Variants in PARK7 observed in about 807,000 individuals in gnomAD.
PARK7 encodes the protein Parkinsonism associated deglycase, also known as Parkinson disease protein 7.
A neutral mutation model predicts 20.5 loss-of-function variants in PARK7; 14 were observed. That is an observed-to-expected ratio of 0.68 (90% CI 0.45 to 1.07). The LOEUF is 1.07. Among genes scored for constraint, PARK7 ranks in the 50% least tolerant of loss-of-function variants. The pLI, the probability that PARK7 is intolerant of heterozygous loss-of-function variation, is 0.00. For missense variants in PARK7, 234 were observed against 238.1 expected (o/e 0.98, Z 0.11); for synonymous variants, 98 against 84.3 (o/e 1.16, Z -0.89).
chr1:7,972,548 T>C (rs1640487507), intron 5 of PARK7, among the ~76,000 whole-genome samples: 1 of 152,196 alleles, frequency 6.6e-6, no homozygotes, highest in Non-Finnish European at 1.5e-5. Flanking sequence ...GAATTTATTA[T>C]TGTGTTTTAA....
rs1017438854 is a variant in PARK7, at chr1:7,972,656, C to T, written c.322+1693C>T. Among the ~76,000 whole-genome samples, 9 of 152,286 alleles carry T rather than the reference C, an allele frequency of 5.9e-5. No homozygotes were observed. In the South Asian group the frequency reaches 1.9e-3, roughly 32 times the overall value. On this transcript the variant is annotated intron_variant, in intron 5 of 6. Coordinates refer to ENST00000338639, the MANE Select transcript of PARK7 (RefSeq NM_007262.5). ...CAGTGGCGCATGCCTGTAATCTCAG[C>T]ACTTTGGGAAGCTGAGGTGGGCAGA...
rs528099293 is a variant in PARK7, at chr1:7,969,702, T to C, written c.252+298T>C. Among the ~76,000 whole-genome samples, 17 of 152,150 alleles carry C rather than the reference T, an allele frequency of 1.1e-4. No individual in the cohort carries two copies. In the South Asian group the frequency reaches 3.5e-3, roughly 32 times the overall value. On this transcript the variant is annotated intron_variant, in intron 4 of 6. Coordinates refer to ENST00000338639, the MANE Select transcript of PARK7 (RefSeq NM_007262.5). Reference sequence around the variant, plus strand: ...TTCAAGCAGTTCTCCTGCCTCAGCCTCTGAGTAGCTGGGATTGCAGGCATG... The same window carrying C: ...TTCAAGCAGTTCTCCTGCCTCAGCCCCTGAGTAGCTGGGATTGCAGGCATG...
At chr1:7,973,588 C>T (rs770461184) in intron 5 of PARK7, among the ~76,000 whole-genome samples, 1 of 152,104 alleles carries the variant, frequency 6.6e-6, no homozygotes, top group Admixed American at 6.6e-5. Context: ...GTGGCGCGTG[C>T]CTGTAATCCC....
intron 4 of PARK7, 79 bp downstream of exon 4, chr1:7,969,483 T>A (rs769978873): frequency 9.1e-5 from 89 of 983,200 alleles, no homozygotes; most frequent in Non-Finnish European, 1.4e-4. Context: ...CTGCTTATGT[T>A]CTGTTAATTT....
Position 7,983,654 on chromosome 1 carries a change from A to G in PARK7, c.410-1240A>G, listed in dbSNP as rs563832642. 2.0e-5 allele frequency among the ~76,000 whole-genome samples: 3 copies of G among 152,314 alleles called. No individual in the cohort carries two copies. The South Asian group carries it at 6.2e-4, about 32-fold the overall frequency. ...TGGAGAGAGTTGGCAAGGGCTTTCC[A>G]TGGGGAACTGGCTATGCCCTGCTTT... On this transcript the variant is annotated intron_variant, in intron 6 of 6. Transcript: ENST00000338639.
At chr1:7,981,627 C>G (rs972956987) in intron 6 of PARK7, among the ~76,000 whole-genome samples, 1 of 151,370 alleles carries the variant, frequency 6.6e-6, no homozygotes, top group Admixed American at 6.6e-5. Context: ...GGCCCTCAGG[C>G]TTGTCGTTGC....
intron 6 of PARK7, 36 bp downstream of exon 6, chr1:7,977,774 T>C (rs1640616989): frequency 6.3e-7 from 1 of 1,580,678 alleles, no homozygotes; most frequent in African/African-American, 1.3e-5. Flanking sequence ...TTTGTTTGTT[T>C]TTTGAGATGG....
At chr1:7,980,733 G>A (rs959151809) in intron 6 of PARK7, among the ~76,000 whole-genome samples, 23 of 152,302 alleles carry the variant, frequency 1.5e-4, no homozygotes, top group African/African-American at 4.8e-4. Flanking sequence ...AGGACACTTC[G>A]AGAGGTAGGG....
At chr1:7,966,255 G>A (rs1194193371) in intron 3 of PARK7, among the ~76,000 whole-genome samples, 3 of 151,984 alleles carry the variant, frequency 2.0e-5, no homozygotes, top group Non-Finnish European at 4.4e-5. Context: ...CCTGGAGTGC[G>A]GTTCCCTGGG....
chr1:7,962,654 CCTAGGAAGTA>C (rs1640232494), intron 1 of PARK7, 99 bp from the exon 2 acceptor site: 2 of 685,270 alleles, frequency 2.9e-6, no homozygotes, highest in Non-Finnish European at 5.0e-6. Flanking sequence ...AAACCGTTTC[CCTAGGAAGTA>C]CTTACTCTGC....
rs1040021689 is a variant in PARK7, at chr1:7,965,532, G to T, written c.192+107G>T. 1.1e-5 allele frequency: 11 copies of T among 977,534 alleles called. No homozygotes were observed. In the African/African-American group the frequency reaches 1.8e-4, roughly 16 times the overall value. The allele number at this position is 977,534 out of a possible 1,614,324, so 60.6% of individuals were successfully genotyped here. A position where few individuals can be genotyped will look rare whatever the true frequency, so the allele number is the denominator to read the frequency against. On this transcript the variant is annotated intron_variant, in intron 3 of 6. Coordinates refer to ENST00000338639, the MANE Select transcript of PARK7 (RefSeq NM_007262.5). ...CTCATTTTAGAAAATTATTTTGCTT[G>T]AATGTCTTCCCCTGACAGATTAAGA...
intron 6 of PARK7, among the ~76,000 whole-genome samples, chr1:7,978,624 G>A (rs1212433669): frequency 9.8e-5 from 8 of 81,600 alleles, no homozygotes; most frequent in African/African-American, 7.1e-4. Flanking sequence ...CGGGTGGATC[G>A]CTTGAGCCCC....
intron 5 of PARK7, among the ~76,000 whole-genome samples, chr1:7,975,736 T>A (rs1640571763): frequency 6.6e-6 from 1 of 152,214 alleles, no homozygotes; most frequent in African/African-American, 2.4e-5. Context: ...GCCTAAAAAT[T>A]CTCGTTCACC....
At chr1:7,983,359 C>T (rs1251784121) in intron 6 of PARK7, among the ~76,000 whole-genome samples, 2 of 152,250 alleles carry the variant, frequency 1.3e-5, no homozygotes, top group Non-Finnish European at 2.9e-5. Flanking sequence ...TGTTCTGTGG[C>T]CCCACATCAC....
chr1:7,975,086 T>C lies in PARK7; in HGVS notation c.323-2566T>C, dbSNP rs532034664. ...AGCCAGGCTGGTCTCGAACTCCTGA[T>C]CTCGTGATCCGCCCACCTTGGCCTC... On this transcript the variant is annotated intron_variant, in intron 5 of 6. Coordinates refer to ENST00000338639, the MANE Select transcript of PARK7 (RefSeq NM_007262.5). Among the ~76,000 whole-genome samples the C allele has an allele frequency of 2.6e-5, 4 of 152,090 alleles. No homozygotes were observed. The East Asian group carries it at 7.8e-4, about 30-fold the overall frequency.
intron 5 of PARK7, among the ~76,000 whole-genome samples, chr1:7,977,085 G>T (rs917763028): frequency 3.3e-5 from 5 of 152,288 alleles, no homozygotes; most frequent in African/African-American, 4.8e-5. Flanking sequence ...AGTTCAGAGA[G>T]TACCAGTTGC....
rs370308517 is a variant in PARK7 at position 7,984,964 on chromosome 1, C to A, written c.480C>A (p.Thr160=). ...GLILTSRGPG[T]SFEFALAIVE... ...TTCTTACAAGCCGGGGGCCTGGGAC[C>A]AGCTTCGAGTTTGCGCTTGCAATTG... The change falls in exon 7 of 7, where the codon ACC becomes ACA. Residue 160 remains threonine, a synonymous_variant. Coordinates refer to ENST00000338639, the MANE Select transcript of PARK7 (RefSeq NM_007262.5). This position sits in a 1 kb window ranked among gnomAD's most constrained non-coding sequence, Gnocchi z 4.3. 8 of 1,614,182 alleles carry A rather than the reference C, an allele frequency of 5.0e-6. No individual in the cohort carries two copies. Among genetic ancestry groups the A allele is most frequent in the Non-Finnish European group, 6.8e-6 (8 of 1,180,044 alleles).
chr1:7,965,512 T>C (rs1578092014), intron 3 of PARK7, 87 bp downstream of exon 3: 2 of 1,226,846 alleles, frequency 1.6e-6, no homozygotes, highest in East Asian at 4.7e-5. Flanking sequence ...ACAGACTCAT[T>C]TTAGAAAATT....
intron 5 of PARK7, among the ~76,000 whole-genome samples, chr1:7,973,439 G>T (rs919935151): frequency 4.6e-5 from 7 of 152,232 alleles, no homozygotes; most frequent in African/African-American, 1.7e-4. Context: ...TTATGATTCT[G>T]CTGAAAGTAA....
Sources: gnomAD v4.1 joint callset for allele counts (sites outside exome capture counted in the v4.1 genomes callset) on GRCh38, gnomAD v4.1.1 for gene constraint, Gnocchi (gnomAD v3.1) non-coding constraint, MANE v1.5 for transcripts, NCBI Gene and HGNC (gene_info 2026-07-23, HGNC 2026-07-21) for gene names.